AKT3: variants seen among roughly 807,000 people sequenced by gnomAD.
The protein encoded by AKT3 is RAC-gamma serine/threonine-protein kinase.
A neutral mutation model predicts 65.3 loss-of-function variants in AKT3; 15 were observed. The observed-to-expected ratio is 0.23, with a 90% confidence interval of 0.15 to 0.35. The LOEUF (loss-of-function observed/expected upper bound fraction) is 0.35, where lower values mean the gene tolerates loss of function less well. AKT3 is among the 10% of genes least tolerant of loss of function. The pLI, the probability that AKT3 is intolerant of heterozygous loss-of-function variation, is 1.00. For missense variants in AKT3, 243 were observed against 576.5 expected (o/e 0.42, Z 5.92); for synonymous variants, 206 against 183.8 (o/e 1.12, Z -0.98).
chr1:243,757,014 C>CA (rs1689179459), intron 2 of AKT3, among the ~76,000 whole-genome samples: 1 of 152,102 alleles, frequency 6.6e-6, no homozygotes, highest in Non-Finnish European at 1.5e-5. Context: ...AAATAACTGG[C>CA]ATGTAATCTT....
At chr1:243,534,948 G>A (rs1233655376) in intron 12 of AKT3, among the ~76,000 whole-genome samples, 2 of 151,602 alleles carry the variant, frequency 1.3e-5, no homozygotes, top group Non-Finnish European at 2.9e-5. Context: ...TAAATCCAAA[G>A]TAAGGAGAAG....
intron 2 of AKT3, among the ~76,000 whole-genome samples, chr1:243,839,413 G>A (rs1695094546): frequency 6.6e-6 from 1 of 152,180 alleles, no homozygotes. Flanking sequence ...GTTGTAAGGA[G>A]CTGTCCTGGA....
intron 3 of AKT3, among the ~76,000 whole-genome samples, chr1:243,692,412 AC>A (rs1204837749): frequency 6.6e-6 from 1 of 151,960 alleles, no homozygotes; most frequent in Non-Finnish European, 1.5e-5. Flanking sequence ...ATGACTATCC[AC>A]CTCTTCATCA....
chr1:243,522,968 G>A (rs1670814781), intron 12 of AKT3, among the ~76,000 whole-genome samples: 2 of 152,088 alleles, frequency 1.3e-5, no homozygotes, highest in Non-Finnish European at 1.5e-5. Context: ...GAATGCTGGA[G>A]AGACCCAGTG....
chr1:243,544,245 G>GAA (rs377475491), intron 12 of AKT3, among the ~76,000 whole-genome samples: 124 of 73,144 alleles, frequency 1.7e-3, no homozygotes, highest in African/African-American at 2.3e-3. Context: ...GGTAGTGGGG[G>GAA]AAAAAAAAAA....
At chr1:243,615,265 A>T in intron 6 of AKT3, 104 bp from the exon 7 acceptor site, 1 of 830,642 alleles carries the variant, frequency 1.2e-6, no homozygotes, top group Admixed American at 2.8e-5. Context: ...AGAGATTGAA[A>T]AGGATTTTAA....
At chr1:243,616,307 T>TAAA (rs57576796) in intron 6 of AKT3, among the ~76,000 whole-genome samples, 2,073 of 66,692 alleles carry the variant, frequency 0.031, 205 homozygotes, top group East Asian at 0.12. Context: ...GTGCTTTTCT[T>TAAA]AAAAAAAAAA....
At chr1:243,754,701 A>G (rs1288485040) in intron 2 of AKT3, among the ~76,000 whole-genome samples, 3 of 152,132 alleles carry the variant, frequency 2.0e-5, no homozygotes, top group African/African-American at 4.8e-5. Flanking sequence ...TCCTTTGAGA[A>G]TCTAACTAAT....
In AKT3 at chr1:243,507,411, C is replaced by T. The variant is rs926535061; in HGVS notation, c.1355-2077G>A. Among the ~76,000 whole-genome samples, 16 of 152,338 alleles carry T rather than the reference C, an allele frequency of 1.1e-4. No homozygotes were observed. In the East Asian group the frequency reaches 2.7e-3, roughly 26 times the overall value. ...CCTGAGGGCCCCAATCCTTGATATT[C>T]TTTAAAGCCAATGATCTCCCTCCAT... On this transcript the variant is annotated intron_variant, in intron 13 of 13. Transcript: ENST00000673466.
intron 6 of AKT3, among the ~76,000 whole-genome samples, chr1:243,630,346 T>C (rs1679514916): frequency 6.6e-6 from 1 of 152,142 alleles, no homozygotes; most frequent in South Asian, 2.1e-4. Context: ...CTATGCATAA[T>C]CCACCCTGGG....
intron 6 of AKT3, among the ~76,000 whole-genome samples, chr1:243,616,707 T>C (rs1678354058): frequency 6.6e-6 from 1 of 152,190 alleles, no homozygotes; most frequent in Non-Finnish European, 1.5e-5. Context: ...GTTATCTTTA[T>C]AAAAATATTT....
chr1:243,642,686 G>C (rs1380880084), intron 5 of AKT3, among the ~76,000 whole-genome samples: 1 of 152,110 alleles, frequency 6.6e-6, no homozygotes, highest in African/African-American at 2.4e-5. Flanking sequence ...CTGATCTTAA[G>C]AATTTATTGG....
intron 10 of AKT3, among the ~76,000 whole-genome samples, chr1:243,561,421 A>C (rs1407464800): frequency 6.6e-6 from 1 of 152,162 alleles, no homozygotes; most frequent in Non-Finnish European, 1.5e-5. Context: ...TGTAGTTTAA[A>C]AAGTAAAAGT....
intron 4 of AKT3, among the ~76,000 whole-genome samples, chr1:243,651,269 C>T (rs577750816): frequency 6.6e-6 from 1 of 152,208 alleles, no homozygotes; most frequent in Admixed American, 6.5e-5. Context: ...GCCGAAGTTG[C>T]ATATCAGCTT....
At chr1:243,753,279 A>C (rs1688922701) in intron 2 of AKT3, among the ~76,000 whole-genome samples, 1 of 152,206 alleles carries the variant, frequency 6.6e-6, no homozygotes, top group African/African-American at 2.4e-5. Context: ...ATTAAAGTAA[A>C]AGCAACATTT....
intron 2 of AKT3, among the ~76,000 whole-genome samples, chr1:243,739,218 T>A (rs1252825907): frequency 6.6e-6 from 1 of 152,080 alleles, no homozygotes; most frequent in African/African-American, 2.4e-5. Context: ...AAAGAAAGAG[T>A]AAAATTTAAC....
chr1:243,609,664 T>A (rs1196219063), intron 8 of AKT3, among the ~76,000 whole-genome samples: 1 of 152,086 alleles, frequency 6.6e-6, no homozygotes, highest in Non-Finnish European at 1.5e-5. Flanking sequence ...GAGAATCAGT[T>A]CACTTGCTTC....
At chr1:243,698,615 C>T (rs1219174585) in intron 2 of AKT3, among the ~76,000 whole-genome samples, 2 of 151,938 alleles carry the variant, frequency 1.3e-5, no homozygotes, top group African/African-American at 4.8e-5. Context: ...TATTATGCAT[C>T]CTTCAAACGT....
chr1:243,576,627 T>G (rs1033887793), intron 8 of AKT3, among the ~76,000 whole-genome samples: 1 of 152,066 alleles, frequency 6.6e-6, no homozygotes, highest in Non-Finnish European at 1.5e-5. Context: ...CATTCACAAC[T>G]GCCACAAAGA....
Sources: allele counts gnomAD v4.1 joint callset (sites outside exome capture counted in the v4.1 genomes callset), GRCh38; gene constraint gnomAD v4.1.1; transcripts MANE v1.5; gene names NCBI Gene and HGNC (gene_info 2026-07-23, HGNC 2026-07-21).